ERLIN1: variants seen among roughly 807,000 people sequenced by gnomAD.
ERLIN1 encodes erlin-1.
In ERLIN1, 24 loss-of-function variants were observed where a neutral mutation model predicts 46.9. The ratio of observed to expected loss-of-function variants is 0.51; its 90% CI spans 0.37 to 0.72. The LOEUF is 0.72. ERLIN1 is among the 30% of genes least tolerant of loss of function. The pLI is 0.00. For synonymous variants in ERLIN1, 158 were observed against 143.2 expected (o/e 1.10, Z -0.74); for missense variants, 293 against 417.9 (o/e 0.70, Z 2.61).
chr10:100,176,804 C>G (rs1844333618), intron 4 of ERLIN1, among the ~76,000 whole-genome samples: 1 of 152,114 alleles, frequency 6.6e-6, no homozygotes, highest in Non-Finnish European at 1.5e-5. Flanking sequence ...ACTGGCCTTC[C>G]CATGTGGGAT....
At chr10:100,157,865 C>T (rs935881068) in intron 8 of ERLIN1, among the ~76,000 whole-genome samples, 4 of 152,174 alleles carry the variant, frequency 2.6e-5, no homozygotes, top group Non-Finnish European at 5.9e-5. Context: ...ATAAAAAGCA[C>T]GACCAGACTT....
At chr10:100,171,440 G>GTA (rs1489821489) in intron 6 of ERLIN1, among the ~76,000 whole-genome samples, 121 of 152,052 alleles carry the variant, frequency 8.0e-4, no homozygotes, top group Non-Finnish European at 1.6e-3. Context: ...ACAGGGTTTT[G>GTA]CTCTGTTGCC....
chr10:100,184,449 A>T (rs930193542), intron 1 of ERLIN1, among the ~76,000 whole-genome samples: 8 of 152,248 alleles, frequency 5.3e-5, no homozygotes, highest in African/African-American at 1.9e-4. Flanking sequence ...CTATGAAAGC[A>T]AGCCCTGGAA....
chr10:100,162,242 T>A (rs1404068895), intron 8 of ERLIN1, among the ~76,000 whole-genome samples: 1 of 152,048 alleles, frequency 6.6e-6, no homozygotes, highest in Admixed American at 6.5e-5. Context: ...AACAGGCAAT[T>A]CATATAACAA....
chr10:100,179,537 A>C (rs964332262), intron 2 of ERLIN1, among the ~76,000 whole-genome samples: 4 of 151,942 alleles, frequency 2.6e-5, no homozygotes, highest in Admixed American at 6.6e-5. Context: ...GCTCACTGCA[A>C]CCTCTGCCTC....
chr10:100,171,961 G>T (rs566771927), intron 6 of ERLIN1, among the ~76,000 whole-genome samples: 2 of 152,136 alleles, frequency 1.3e-5, no homozygotes, highest in Non-Finnish European at 2.9e-5. Context: ...GCTAATGAGG[G>T]GGGGAGCTGC....
chr10:100,180,864 C>T (rs986625272), intron 2 of ERLIN1, among the ~76,000 whole-genome samples: 1 of 151,990 alleles, frequency 6.6e-6, no homozygotes, highest in African/African-American at 2.4e-5. Flanking sequence ...AGCTGGGAGG[C>T]TAAATAATTA....
chr10:100,160,545 A>G (rs2134117603), intron 8 of ERLIN1, among the ~76,000 whole-genome samples: 1 of 152,348 alleles, frequency 6.6e-6, no homozygotes, highest in South Asian at 2.1e-4. Flanking sequence ...AATGTATATA[A>G]TGACCTATAT....
intron 5 of ERLIN1, 108 bp downstream of exon 5, chr10:100,175,837 A>C (rs1236784550): frequency 2.4e-6 from 2 of 849,398 alleles, no homozygotes; most frequent in Non-Finnish European, 3.4e-6. Flanking sequence ...TGATAAATTC[A>C]GAAGAAATGC....
chr10:100,178,276 A>G (rs991060343), intron 3 of ERLIN1, 82 bp from the exon 4 acceptor site: 30 of 826,448 alleles, frequency 3.6e-5, no homozygotes, highest in Non-Finnish European at 3.5e-5. Flanking sequence ...AGAAGCTGAT[A>G]ATGAAACATA....
chr10:100,185,948 C>G lies in ERLIN1; in HGVS notation c.-322G>C, dbSNP rs567888562. The G allele has an allele frequency of 2.4e-4, 110 of 466,200 alleles. No homozygotes were observed. Among genetic ancestry groups the G allele is most frequent in the Non-Finnish European group, 3.5e-4 (94 of 265,630 alleles). The allele number at this position is 466,200 out of a possible 1,614,324, so 28.9% of individuals were successfully genotyped here. A position where few individuals can be genotyped will look rare whatever the true frequency, so the allele number is the denominator to read the frequency against. On this transcript the variant is annotated 5_prime_UTR_variant, in exon 1 of 11. Coordinates refer to ENST00000421367, the MANE Select transcript of ERLIN1 (RefSeq NM_006459.4). ...AGGCTCGCGAGGAAAGCCGACCCCT[C>G]GGCCGCGCCTCACCGATCAGTGACG... is the stretch of plus-strand genomic sequence containing the variant.
chr10:100,169,301 A>G (rs1843850258), intron 6 of ERLIN1, among the ~76,000 whole-genome samples: 1 of 151,974 alleles, frequency 6.6e-6, no homozygotes, highest in Admixed American at 6.5e-5. Flanking sequence ...TGAATGGAGG[A>G]AAAAAATGGC....
intron 6 of ERLIN1, among the ~76,000 whole-genome samples, chr10:100,168,709 TG>T (rs1489724513): frequency 2.1e-4 from 32 of 151,960 alleles, no homozygotes; most frequent in Middle Eastern, 6.8e-3. Context: ...GATGGAGTTT[TG>T]CTCTTGTTAC....
intron 6 of ERLIN1, among the ~76,000 whole-genome samples, chr10:100,170,373 T>G (rs1309300385): frequency 6.6e-6 from 1 of 152,222 alleles, no homozygotes; most frequent in Non-Finnish European, 1.5e-5. Flanking sequence ...ATTTTAAAAT[T>G]TTTTTAAACC....
At chr10:100,173,021 G>A (rs1472415148) in intron 6 of ERLIN1, among the ~76,000 whole-genome samples, 2 of 152,106 alleles carry the variant, frequency 1.3e-5, no homozygotes, top group Non-Finnish European at 2.9e-5. Context: ...CATTTCAAAC[G>A]ACCCCTTAAC....
intron 10 of ERLIN1, among the ~76,000 whole-genome samples, chr10:100,152,980 G>C (rs1842886780): frequency 6.6e-6 from 1 of 152,120 alleles, no homozygotes; most frequent in Non-Finnish European, 1.5e-5. Context: ...TAGCCTCCAG[G>C]GAGGCTACAG....
At chr10:100,175,614 T>C (rs2134162421) in intron 5 of ERLIN1, among the ~76,000 whole-genome samples, 1 of 152,326 alleles carries the variant, frequency 6.6e-6, no homozygotes, top group Admixed American at 6.5e-5. Flanking sequence ...TGCTGAGTCC[T>C]GTCAGTCTCC....
At chr10:100,180,723 G>T (rs1010361526) in intron 2 of ERLIN1, among the ~76,000 whole-genome samples, 1 of 152,192 alleles carries the variant, frequency 6.6e-6, no homozygotes, top group Non-Finnish European at 1.5e-5. Context: ...GCTGGCTGGG[G>T]AGTTTGGGAT....
Position 100,185,839 on chromosome 10 carries a change from C to T in ERLIN1, c.-213G>A. On this transcript the variant is annotated 5_prime_UTR_variant, in exon 1 of 11. Transcript: ENST00000421367. ...CCGCCCCCGGAGGCCAGTGGGCCGCCCCTGCTCGGTGAGCTTCCTGAAACT... is the reference window on the plus strand; with the variant it reads ...CCGCCCCCGGAGGCCAGTGGGCCGCTCCTGCTCGGTGAGCTTCCTGAAACT... 1 of 577,966 alleles carries T rather than the reference C, an allele frequency of 1.7e-6. No homozygotes were observed. Among genetic ancestry groups the T allele is most frequent in the East Asian group, 2.9e-5 (1 of 34,150 alleles). 35.8% of individuals were successfully genotyped at this position (577,966 alleles called of 1,614,324 possible).
Sources: gnomAD v4.1 joint callset for allele counts (sites outside exome capture counted in the v4.1 genomes callset) on GRCh38, gnomAD v4.1.1 for gene constraint, MANE v1.5 for transcripts, NCBI Gene and HGNC (gene_info 2026-07-23, HGNC 2026-07-21) for gene names.